Variants in LIPA observed in about 807,000 individuals in gnomAD.
LIPA encodes lysosomal acid lipase/cholesteryl ester hydrolase.
LIPA carries 26 observed loss-of-function variants against 40.6 expected under a neutral mutation model. The observed-to-expected ratio is 0.64, with a 90% CI of 0.47 to 0.89. LIPA has a LOEUF of 0.89. Ranked by LOEUF, LIPA falls within the 40% of genes least tolerant of loss-of-function variation. The probability of loss-of-function intolerance (pLI) is 0.00; values close to 1 mark genes in which losing one functional copy is unlikely to be tolerated. For synonymous variants in LIPA, 188 were observed against 168.4 expected (o/e 1.12, Z -0.90); for missense variants, 455 against 479.6 (o/e 0.95, Z 0.48).
rs770835380 is a variant in LIPA at position 89,328,104 on chromosome 10, A to AT, written c.-2+14506dup. 3.7e-6 allele frequency: 6 copies of AT among 1,612,604 alleles called. No individual in the cohort carries two copies. The East Asian group carries it at 1.3e-4, about 36-fold the overall frequency. On this transcript the variant is annotated intron_variant, in intron 1 of 5. Transcript: ENST00000282673. The stretch of plus-strand genomic sequence containing the variant: ...GTCAGTGAAATAAGAATGCATAATC[A>AT]TGCTTGTTTTTGAGTGCAAATTGTA...
upstream of LIPA, among the ~76,000 whole-genome samples, chr10:89,347,316 A>T (rs1843929619): frequency 6.6e-6 from 1 of 152,246 alleles, no homozygotes; most frequent in African/African-American, 2.4e-5. Flanking sequence ...CTGATCATGT[A>T]TGCACCCTCT....
chr10:89,345,535 TAAA>T (rs1843913344), upstream of LIPA, among the ~76,000 whole-genome samples: 1 of 36,664 alleles, frequency 2.7e-5, no homozygotes, highest in South Asian at 7.8e-4. Context: ...TCTCAAAAAA[TAAA>T]TAAATAAATA....
At chr10:89,336,743 G>A (rs1843746823) in intron 1 of LIPA, among the ~76,000 whole-genome samples, 1 of 150,616 alleles carries the variant, frequency 6.6e-6, no homozygotes, top group African/African-American at 2.5e-5. Flanking sequence ...GCCCTATTTG[G>A]TTCATAACTT....
At chr10:89,381,325 G>A (rs748458830) in intron 2 of LIPA, among the ~76,000 whole-genome samples, 1 of 152,056 alleles carries the variant, frequency 6.6e-6, no homozygotes, top group African/African-American at 2.4e-5. Flanking sequence ...CTGTAGGGGT[G>A]GTGACTATTT....
At position 89,228,401 on chromosome 10, in the gene LIPA, G is replaced by C; in HGVS notation, c.230-3C>G. On this transcript the variant is annotated splice_polypyrimidine_tract_variant and splice_region_variant and intron_variant, in intron 3 of 9. Transcript: ENST00000336233. ...CAGGAAGACAACTGGTTTGGGACCTGAAAAACATTCATTGTTTAGGAGGCA... is the reference window on the plus strand; with the variant it reads ...CAGGAAGACAACTGGTTTGGGACCTCAAAAACATTCATTGTTTAGGAGGCA... 6.2e-7 allele frequency: 1 copy of C among 1,613,872 alleles called. No homozygotes were observed. The highest frequency in any genetic ancestry group is 1.1e-5 in the South Asian group (1 of 91,068).
At chr10:89,337,285 A>T (rs1457512606) in intron 1 of LIPA, among the ~76,000 whole-genome samples, 1 of 152,240 alleles carries the variant, frequency 6.6e-6, no homozygotes, top group Non-Finnish European at 1.5e-5. Context: ...TATCCATAAT[A>T]TCTAATAAAG....
At chr10:89,287,836 C>A (rs568588237) in intron 1 of LIPA, among the ~76,000 whole-genome samples, 6 of 152,204 alleles carry the variant, frequency 3.9e-5, no homozygotes, top group Non-Finnish European at 7.3e-5. Context: ...TCAGGATCCG[C>A]ACCTTATCAA....
intron 3 of LIPA, among the ~76,000 whole-genome samples, chr10:89,235,584 A>AC (rs1842895053): frequency 6.6e-6 from 1 of 152,238 alleles, no homozygotes; most frequent in Admixed American, 6.5e-5. Context: ...GAGGAAGATG[A>AC]CCGGGTAGGT....
chr10:89,273,106 T>C (rs1234122313), intron 1 of LIPA, among the ~76,000 whole-genome samples: 2 of 152,204 alleles, frequency 1.3e-5, no homozygotes, highest in African/African-American at 4.8e-5. Flanking sequence ...TGCCCTGTCT[T>C]AGAAATGAAG....
chr10:89,263,368 C>T (rs1843220221), intron 1 of LIPA, among the ~76,000 whole-genome samples: 1 of 152,176 alleles, frequency 6.6e-6, no homozygotes, highest in South Asian at 2.1e-4. Flanking sequence ...TGGGAAATTA[C>T]CAGAGACCTT....
At chr10:89,279,699 G>A (rs1454701641) in intron 1 of LIPA, among the ~76,000 whole-genome samples, 1 of 152,148 alleles carries the variant, frequency 6.6e-6, no homozygotes, top group African/African-American at 2.4e-5. Flanking sequence ...CTCCCAGAGG[G>A]GTAACAGAAT....
At chr10:89,385,567 C>T (rs1434817160) in intron 2 of LIPA, among the ~76,000 whole-genome samples, 1 of 152,172 alleles carries the variant, frequency 6.6e-6, no homozygotes, top group African/African-American at 2.4e-5. Context: ...TGGCCAGGGT[C>T]ACTGACCTGC....
At chr10:89,285,287 C>G (rs1201325629) in intron 1 of LIPA, 1 of 153,216 alleles carries the variant, frequency 6.5e-6, no homozygotes, top group Admixed American at 6.5e-5. Flanking sequence ...TCTTTACTCT[C>G]TTCTCCAATC....
intron 1 of LIPA, among the ~76,000 whole-genome samples, chr10:89,292,950 C>A (rs1589591229): frequency 6.6e-6 from 1 of 152,020 alleles, no homozygotes; most frequent in Non-Finnish European, 1.5e-5. Context: ...TACCTGGGCA[C>A]AATTCTCATT....
intron 2 of LIPA, chr10:89,385,322 G>T (rs1238486857): frequency 6.6e-6 from 1 of 152,252 alleles, no homozygotes; most frequent in African/African-American, 2.4e-5. Flanking sequence ...TCTATTGCCT[G>T]GCCACCCCCC....
chr10:89,332,846 A>G (rs746521075), intron 1 of LIPA, among the ~76,000 whole-genome samples: 1 of 151,582 alleles, frequency 6.6e-6, no homozygotes, highest in African/African-American at 2.4e-5. Flanking sequence ...GGAGCTGGGA[A>G]GGGACGGGGC....
At chr10:89,263,592 C>A (rs955284293) in intron 1 of LIPA, among the ~76,000 whole-genome samples, 1 of 152,216 alleles carries the variant, frequency 6.6e-6, no homozygotes, top group Admixed American at 6.5e-5. Context: ...GCTTGAGAAG[C>A]ATAGATTTAG....
In LIPA at chr10:89,281,829, C is replaced by A. The variant is rs79905010; in HGVS notation, c.-1-34180G>T. Among the ~76,000 whole-genome samples the A allele has an allele frequency of 1.8e-3, 278 of 152,318 alleles. 2 individuals carry two copies. The highest frequency in any genetic ancestry group is 6.4e-3 in the African/African-American group (267 of 41,554). ...AAGCCACACTATTGGGGTATGAAATCCAGTCCTCTGGCATGAACATCATAG... is the reference window on the plus strand; with the variant it reads ...AAGCCACACTATTGGGGTATGAAATACAGTCCTCTGGCATGAACATCATAG... On this transcript the variant is annotated intron_variant, in intron 1 of 5. Transcript: ENST00000282673.
intron 1 of LIPA, among the ~76,000 whole-genome samples, chr10:89,268,118 G>A (rs1843247135): frequency 6.6e-6 from 1 of 152,172 alleles, no homozygotes; most frequent in Admixed American, 6.5e-5. Context: ...TCCTTCATAT[G>A]ATCTTTATCC....
Sources: allele counts gnomAD v4.1 joint callset (sites outside exome capture counted in the v4.1 genomes callset), GRCh38; gene constraint gnomAD v4.1.1; transcripts MANE v1.5; gene names NCBI Gene and HGNC (gene_info 2026-07-23, HGNC 2026-07-21).